Variants in NAALADL2 observed in about 807,000 individuals in gnomAD.
NAALADL2 encodes the protein inactive N-acetylated-alpha-linked acidic dipeptidase-like protein 2.
Under a neutral mutation model 87.2 loss-of-function variants are expected in NAALADL2, and 76 were observed. The observed-to-expected ratio is 0.87, with a 90% CI of 0.72 to 1.05. The LOEUF is 1.05. Among genes scored for constraint, NAALADL2 ranks in the 50% least tolerant of loss-of-function variants. The probability of loss-of-function intolerance (pLI) is 0.00; values close to 1 mark genes in which losing one functional copy is unlikely to be tolerated. For missense variants in NAALADL2, 1,089 were observed against 945.8 expected (o/e 1.15, Z -1.99); for synonymous variants, 354 against 331.0 (o/e 1.07, Z -0.75).
intron 2 of NAALADL2, among the ~76,000 whole-genome samples, chr3:174,688,360 TATTAGAATTATC>T (rs1728237061): frequency 6.6e-6 from 1 of 151,872 alleles, no homozygotes; most frequent in African/African-American, 2.4e-5. Flanking sequence ...TAGCTATTAT[TATTAGAATTATC>T]ATTAGAAATT....
At chr3:174,611,936 T>C (rs1267484685) in intron 2 of NAALADL2, among the ~76,000 whole-genome samples, 1 of 151,838 alleles carries the variant, frequency 6.6e-6, no homozygotes, top group African/African-American at 2.4e-5. Context: ...TTTTTTTTTT[T>C]CTTGACGTGC....
At chr3:174,752,323 C>A (rs1294764691) in intron 3 of NAALADL2, among the ~76,000 whole-genome samples, 1 of 152,134 alleles carries the variant, frequency 6.6e-6, no homozygotes, top group Non-Finnish European at 1.5e-5. Context: ...CCATCTTGGA[C>A]TGCTGCTATT....
chr3:174,442,795 A>G (rs1452732589), intron 1 of NAALADL2, among the ~76,000 whole-genome samples: 2 of 152,180 alleles, frequency 1.3e-5, no homozygotes, highest in Non-Finnish European at 1.5e-5. Flanking sequence ...ATAAAGCAGG[A>G]AAAAGAGTGT....
At chr3:175,629,073 C>T (rs1282740814) in intron 11 of NAALADL2, among the ~76,000 whole-genome samples, 1 of 149,838 alleles carries the variant, frequency 6.7e-6, no homozygotes, top group African/African-American at 2.4e-5. Flanking sequence ...GCACACAAAA[C>T]ACCTCCTTAG....
chr3:175,538,146 T>G (rs1329676769), intron 9 of NAALADL2, among the ~76,000 whole-genome samples: 1 of 152,150 alleles, frequency 6.6e-6, no homozygotes, highest in Non-Finnish European at 1.5e-5. Flanking sequence ...CCAGAGAAAT[T>G]TCTGAAAATA....
intron 2 of NAALADL2, among the ~76,000 whole-genome samples, chr3:175,116,899 G>A (rs982021135): frequency 1.3e-5 from 2 of 152,034 alleles, no homozygotes; most frequent in African/African-American, 4.8e-5. Context: ...GCATGGTCCT[G>A]GTACCAAAAC....
chr3:175,134,984 T>C (rs1421930380), intron 2 of NAALADL2, among the ~76,000 whole-genome samples: 1 of 152,146 alleles, frequency 6.6e-6, no homozygotes, highest in Non-Finnish European at 1.5e-5. Context: ...CATCCTACAT[T>C]AATTGATGAG....
intron 9 of NAALADL2, among the ~76,000 whole-genome samples, chr3:175,544,124 T>G (rs1242675600): frequency 6.6e-6 from 1 of 152,128 alleles, no homozygotes; most frequent in African/African-American, 2.4e-5. Context: ...CTGGGCTCAG[T>G]TGAGTTATGA....
intron 10 of NAALADL2, among the ~76,000 whole-genome samples, chr3:175,590,777 G>T (rs191829590): frequency 7.3e-4 from 111 of 152,272 alleles, no homozygotes; most frequent in Admixed American, 1.1e-3. Flanking sequence ...GTTCCGAAAA[G>T]GGTGGGAGAG....
At chr3:174,474,557 T>G (rs1370582631) in intron 1 of NAALADL2, among the ~76,000 whole-genome samples, 1 of 152,180 alleles carries the variant, frequency 6.6e-6, no homozygotes, top group African/African-American at 2.4e-5. Context: ...ATTTACATAG[T>G]AATTGGTAAG....
chr3:175,190,773 G>A (rs1014313727), intron 2 of NAALADL2, among the ~76,000 whole-genome samples: 4 of 151,948 alleles, frequency 2.6e-5, no homozygotes, highest in South Asian at 2.1e-4. Flanking sequence ...TCAGGAGATC[G>A]AGACCATCCT....
chr3:174,764,536 G>A (rs1442250203), intron 3 of NAALADL2, among the ~76,000 whole-genome samples: 1 of 152,190 alleles, frequency 6.6e-6, no homozygotes. Flanking sequence ...CTTGAACCCA[G>A]GAGGTGTAGG....
chr3:174,461,947 A>G (rs1241081362), intron 1 of NAALADL2, among the ~76,000 whole-genome samples: 1 of 152,186 alleles, frequency 6.6e-6, no homozygotes, highest in East Asian at 1.9e-4. Context: ...TTCATATCTC[A>G]TTAAAATAGC....
At chr3:174,845,843 GC>G (rs1724560069) in intron 3 of NAALADL2, among the ~76,000 whole-genome samples, 1 of 152,208 alleles carries the variant, frequency 6.6e-6, no homozygotes, top group South Asian at 2.1e-4. Flanking sequence ...CTGCAGGCAT[GC>G]ATGTTAACTT....
chr3:175,018,014 A>G (rs1045553962), intron 1 of NAALADL2, among the ~76,000 whole-genome samples: 1 of 151,954 alleles, frequency 6.6e-6, no homozygotes, highest in Non-Finnish European at 1.5e-5. Flanking sequence ...GTCGCATAAA[A>G]CCTGTCAAAA....
intron 2 of NAALADL2, among the ~76,000 whole-genome samples, chr3:174,736,358 G>A (rs1461282970): frequency 1.3e-5 from 2 of 152,128 alleles, no homozygotes; most frequent in Non-Finnish European, 2.9e-5. Context: ...CAAATGGAGG[G>A]TGAGCAAGGT....
chr3:175,417,485 A>G (rs1312525057), intron 5 of NAALADL2, among the ~76,000 whole-genome samples: 2 of 152,036 alleles, frequency 1.3e-5, no homozygotes, highest in African/African-American at 2.4e-5. Context: ...TTAAATTGTT[A>G]GGATATATTA....
At chr3:175,375,837 C>T (rs1357856637) in intron 5 of NAALADL2, among the ~76,000 whole-genome samples, 2 of 151,758 alleles carry the variant, frequency 1.3e-5, no homozygotes, top group African/African-American at 2.4e-5. Flanking sequence ...CTTTTCCTTC[C>T]TTTGTATTAT....
intron 13 of NAALADL2, among the ~76,000 whole-genome samples, chr3:175,789,724 A>G (rs555110759): frequency 6.6e-6 from 1 of 152,306 alleles, no homozygotes; most frequent in South Asian, 2.1e-4. Flanking sequence ...TTTTCTGCAT[A>G]TGTTAAATAT....
Sources: allele counts gnomAD v4.1 joint callset (sites outside exome capture counted in the v4.1 genomes callset), GRCh38; gene constraint gnomAD v4.1.1; transcripts MANE v1.5; gene names NCBI Gene and HGNC (gene_info 2026-07-23, HGNC 2026-07-21).